The following SYNE1 variants were observed in gnomAD, a reference collection of about 807,000 sequenced individuals.
The protein encoded by SYNE1 is nesprin-1.
A neutral mutation model predicts 1,111.0 loss-of-function variants in SYNE1; 616 were observed. That is an observed-to-expected ratio of 0.55 (90% CI 0.52 to 0.59). The LOEUF is 0.59. Among genes scored for constraint, SYNE1 ranks in the 20% least tolerant of loss-of-function variants. The pLI is 0.00. For synonymous variants in SYNE1, 3,855 were observed against 3,825.8 expected (o/e 1.01, Z -0.28); for missense variants, 10,006 against 10,417.0 (o/e 0.96, Z 1.72).
At chr6:152,257,342 G>A (rs1031620131) in intron 101 of SYNE1, among the ~76,000 whole-genome samples, 12 of 152,174 alleles carry the variant, frequency 7.9e-5, no homozygotes, top group African/African-American at 2.7e-4. Context: ...AGACCGGCCT[G>A]GCCAACATGG....
chr6:152,320,048 C>T (rs2153909529), intron 84 of SYNE1: 1 of 152,256 alleles, frequency 6.6e-6, no homozygotes, highest in African/African-American at 2.4e-5. Flanking sequence ...CCTGGAATCC[C>T]AGCTACTTGG....
Position 152,391,530 on chromosome 6 carries a change from A to T in SYNE1, c.7751T>A (p.Leu2584Gln). 1 of 1,594,200 alleles carries T rather than the reference A, an allele frequency of 6.3e-7. No homozygotes were observed. The highest frequency in any genetic ancestry group is 2.4e-5 in the East Asian group (1 of 40,870). The change falls in exon 52 of 146, where the codon CTG becomes CAG. Residue 2584 changes from leucine to glutamine, a missense_variant. Leu to Gln is a moderately radical substitution (Grantham distance 113). Coordinates refer to ENST00000367255, the MANE Select transcript of SYNE1 (RefSeq NM_182961.4). ...LDKLSQRGQL[L>Q]SEEGHGAGQE... ...CCCAGCACCGTGGCCTTCTTCACTC[A>T]GAAGCTGCCCTCTCTGGGAAAGCTT... is the stretch of plus-strand genomic sequence containing the variant.
chr6:152,416,296 T>C lies in SYNE1; in HGVS notation c.6050+91A>G, dbSNP rs528840548. 9.4e-5 allele frequency: 147 copies of C among 1,570,298 alleles called. No individual in the cohort carries two copies. The African/African-American group carries it at 1.8e-3, about 19-fold the overall frequency. Reference sequence around the variant, plus strand: ...TGGGGTCCTGAGTTTTTATTTTCCTTGAACAGTACTAATAAAGTTTTGCAT... The same window carrying C: ...TGGGGTCCTGAGTTTTTATTTTCCTCGAACAGTACTAATAAAGTTTTGCAT... On this transcript the variant is annotated intron_variant, in intron 41 of 145. Coordinates refer to ENST00000367255, the MANE Select transcript of SYNE1 (RefSeq NM_182961.4).
chr6:152,155,533 C>A, intron 132 of SYNE1: 1 of 340,236 alleles, frequency 2.9e-6, no homozygotes. Flanking sequence ...TAACACAGCA[C>A]GATTTTCTGC....
intron 93 of SYNE1, among the ~76,000 whole-genome samples, chr6:152,298,577 CA>C (rs1409627466): frequency 2.0e-5 from 3 of 149,696 alleles, no homozygotes; most frequent in Admixed American, 2.0e-4. Context: ...TTTTTTTTAA[CA>C]ACTGTGATTT....
intron 3 of SYNE1, among the ~76,000 whole-genome samples, chr6:152,555,290 C>T (rs991234834): frequency 6.6e-6 from 1 of 152,140 alleles, no homozygotes. Flanking sequence ...AATGATGGAC[C>T]ACATATACAA....
At chr6:152,603,850 T>C (rs57357083) in intron 3 of SYNE1, among the ~76,000 whole-genome samples, 5 of 92,412 alleles carry the variant, frequency 5.4e-5, no homozygotes, top group Admixed American at 3.8e-4. Context: ...TCTATACATA[T>C]ATGTATATAT....
In SYNE1 at chr6:152,334,096, G is replaced by T. The variant is rs1287706223; in HGVS notation, c.12706C>A (p.Leu4236Ile). 1 of 1,614,150 alleles carries T rather than the reference G, an allele frequency of 6.2e-7. No individual in the cohort carries two copies. Among genetic ancestry groups the T allele is most frequent in the Non-Finnish European group, 8.5e-7 (1 of 1,180,024 alleles). The change falls in exon 77 of 146, where the codon CTT (leucine) becomes ATT (isoleucine). Residue 4236 changes from leucine to isoleucine, a missense_variant. Physicochemically the swap from Leu to Ile is conservative, Grantham distance 5. Coordinates refer to ENST00000367255, the MANE Select transcript of SYNE1 (RefSeq NM_182961.4). ...NNLCLQREEDLQRTRDYHDCM... is the reference protein window; with the variant it reads ...NNLCLQREEDIQRTRDYHDCM... ...TCATGGTAATCTCTTGTTCTCTGAA[G>T]ATCCTCTTCCCTTTGCAAGCACAGG... is the stretch of plus-strand genomic sequence containing the variant.
At chr6:152,357,514 T>C (rs941593350) in intron 66 of SYNE1, among the ~76,000 whole-genome samples, 1 of 152,182 alleles carries the variant, frequency 6.6e-6, no homozygotes. Flanking sequence ...CTCCATCTTC[T>C]GCTGTTTGTT....
At chr6:152,134,957 C>T (rs2056712287) in intron 142 of SYNE1, 147 bp downstream of exon 142, 2 of 992,828 alleles carry the variant, frequency 2.0e-6, no homozygotes, top group Admixed American at 2.3e-5. Context: ...TTGGAAACCA[C>T]AGGGAGTTAA....
chr6:152,449,219 C>A (rs1343586609), intron 28 of SYNE1, among the ~76,000 whole-genome samples: 2 of 152,158 alleles, frequency 1.3e-5, no homozygotes, highest in African/African-American at 4.8e-5. Flanking sequence ...ATACAGTGTT[C>A]TTGTTTTCCA....
intron 41 of SYNE1, among the ~76,000 whole-genome samples, chr6:152,415,639 G>A (rs1349229455): frequency 6.6e-6 from 1 of 151,978 alleles, no homozygotes; most frequent in Non-Finnish European, 1.5e-5. Flanking sequence ...TATAGAAGAT[G>A]AATCCCTTCT....
chr6:152,591,854 G>A (rs1376061886), intron 3 of SYNE1, among the ~76,000 whole-genome samples: 1 of 151,914 alleles, frequency 6.6e-6, no homozygotes, highest in Non-Finnish European at 1.5e-5. Context: ...TTAAAAAATG[G>A]GCAAAAATCA....
At position 152,387,065 on chromosome 6, in the gene SYNE1, C is replaced by T; in HGVS notation, c.8487+7G>A. Reference sequence around the variant, plus strand: ...TAAAGCATCTACTTTCAATATAAAGCACTAACCTTGGCAACAGTCATTATA... The same window carrying T: ...TAAAGCATCTACTTTCAATATAAAGTACTAACCTTGGCAACAGTCATTATA... On this transcript the variant is annotated splice_region_variant and intron_variant, in intron 54 of 145. Transcript: ENST00000367255. The T allele has an allele frequency of 6.2e-7, 1 of 1,610,338 alleles. No individual in the cohort carries two copies. The highest frequency in any genetic ancestry group is 1.1e-5 in the South Asian group (1 of 90,924).
intron 3 of SYNE1, among the ~76,000 whole-genome samples, chr6:152,598,345 G>A (rs545658625): frequency 6.9e-4 from 105 of 152,128 alleles, no homozygotes; most frequent in African/African-American, 2.5e-3. Flanking sequence ...CACCATTATT[G>A]TGAGGCCTCC....
At chr6:152,287,671 A>G (rs2094404826) in intron 95 of SYNE1, among the ~76,000 whole-genome samples, 1 of 152,048 alleles carries the variant, frequency 6.6e-6, no homozygotes, top group Admixed American at 6.6e-5. Context: ...CTCAGCCTCC[A>G]GAGTAGCTGG....
chr6:152,595,577 A>C (rs1018445975), intron 3 of SYNE1, among the ~76,000 whole-genome samples: 8 of 152,286 alleles, frequency 5.3e-5, no homozygotes, highest in South Asian at 4.1e-4. Context: ...TGGTTTTTTT[A>C]ATCGTAATAC....
chr6:152,436,685 C>G (rs1226199759), intron 32 of SYNE1, among the ~76,000 whole-genome samples: 1 of 152,100 alleles, frequency 6.6e-6, no homozygotes, highest in Non-Finnish European at 1.5e-5. Context: ...TCCTTTGTTT[C>G]CTGGTTTTGT....
intron 32 of SYNE1, among the ~76,000 whole-genome samples, chr6:152,438,911 A>G (rs2098501264): frequency 1.3e-5 from 2 of 152,224 alleles, no homozygotes; most frequent in Admixed American, 6.5e-5. Context: ...TAACGTAGTG[A>G]CTAAAGATGT....
Sources: gnomAD v4.1 joint callset for allele counts (sites outside exome capture counted in the v4.1 genomes callset) on GRCh38, gnomAD v4.1.1 for gene constraint, MANE v1.5 for transcripts, NCBI Gene and HGNC (gene_info 2026-07-23, HGNC 2026-07-21) for gene names.